Variants in HELZ observed in about 807,000 individuals in gnomAD.
HELZ encodes ATP-dependent RNA helicase with zinc finger domain.
HELZ carries 23 observed loss-of-function variants against 218.2 expected under a neutral mutation model. The ratio of observed to expected loss-of-function variants is 0.11; its 90% CI spans 0.08 to 0.15. The LOEUF (loss-of-function observed/expected upper bound fraction) is 0.15. HELZ is among the 10% of genes least tolerant of loss of function. The probability of loss-of-function intolerance (pLI) is 1.00; values close to 1 mark genes in which losing one functional copy is unlikely to be tolerated. For synonymous variants in HELZ, 814 were observed against 829.4 expected (o/e 0.98, Z 0.32); for missense variants, 1,813 against 2,353.7 (o/e 0.77, Z 4.75).
Position 67,160,172 on chromosome 17 carries a change from T to C in HELZ, c.2177+89A>G. On this transcript the variant is annotated intron_variant, in intron 17 of 32. Transcript: ENST00000358691. ...ATGTCAATGCATAAAGACTTTGGTA[T>C]TTCCAAAGTTACTAAAATCTTTACA... 5 of 770,988 alleles carry C rather than the reference T, an allele frequency of 6.5e-6. No individual in the cohort carries two copies. The East Asian group carries it at 1.3e-4, about 20-fold the overall frequency. The allele number at this position is 770,988 out of a possible 1,614,324, so 47.8% of individuals were successfully genotyped here.
intron 13 of HELZ, among the ~76,000 whole-genome samples, chr17:67,172,484 A>T (rs2039341256): frequency 3.2e-5 from 3 of 95,178 alleles, no homozygotes; most frequent in African/African-American, 5.5e-5. Context: ...TTTTTCTAAT[A>T]ATCTGATTTT....
At chr17:67,098,365 C>T (rs1567797583) in intron 31 of HELZ, among the ~76,000 whole-genome samples, 2 of 152,024 alleles carry the variant, frequency 1.3e-5, no homozygotes, top group Non-Finnish European at 2.9e-5. Context: ...TGACTAGTTC[C>T]AAAGTTACAA....
upstream of HELZ, chr17:67,245,642 T>A: frequency 2.0e-6 from 1 of 490,080 alleles, no homozygotes; most frequent in Non-Finnish European, 2.6e-6. Context: ...CGGGGTCGCC[T>A]TCAGAGGCCG....
chr17:67,089,696 G>GAGAGAGAGAGAGAGAGAGAGAC lies in HELZ; in HGVS notation c.5242-2616_5242-2615insGTCTCTCTCTCTCTCTCTCTCT, dbSNP rs34752223. Among the ~76,000 whole-genome samples the GAGAGAGAGAGAGAGAGAGAGAC allele has an allele frequency of 4.0e-3, 494 of 122,300 alleles. 3 individuals carry two copies. Among genetic ancestry groups the GAGAGAGAGAGAGAGAGAGAGAC allele is most frequent in the Non-Finnish European group, 5.4e-3 (317 of 59,046 alleles). The allele number at this position is 122,300 out of a possible 152,430, so 80.2% of individuals were successfully genotyped here. A position where few individuals can be genotyped will look rare whatever the true frequency, so the allele number is the denominator to read the frequency against. On this transcript the variant is annotated intron_variant, in intron 31 of 32. Transcript: ENST00000358691. ...AGAGAGAGAGAGAGAGAGAGAGAGA[G>GAGAGAGAGAGAGAGAGAGAGAC]AGAGACAGAGAGACAGAGAGAGAGA...
chr17:67,089,696 G>GAGAGAGAGAGAGAGAGAC lies in HELZ; in HGVS notation c.5242-2616_5242-2615insGTCTCTCTCTCTCTCTCT, dbSNP rs34752223. Among the ~76,000 whole-genome samples, 862 of 121,998 alleles carry GAGAGAGAGAGAGAGAGAC rather than the reference G, an allele frequency of 7.1e-3. 7 individuals are homozygous for GAGAGAGAGAGAGAGAGAC. Among genetic ancestry groups the GAGAGAGAGAGAGAGAGAC allele is most frequent in the Admixed American group, 0.011 (130 of 12,266 alleles). 80.0% of individuals were successfully genotyped at this position (121,998 alleles called of 152,430 possible). ...AGAGAGAGAGAGAGAGAGAGAGAGAGAGAGACAGAGAGACAGAGAGAGAGA... is the reference window on the plus strand; with the variant it reads ...AGAGAGAGAGAGAGAGAGAGAGAGAGAGAGAGAGAGAGAGAGACAGAGACAGAGAGACAGAGAGAGAGA... On this transcript the variant is annotated intron_variant, in intron 31 of 32. Coordinates refer to ENST00000358691, the MANE Select transcript of HELZ (RefSeq NM_014877.4).
At chr17:67,163,456 T>C (rs1273658492) in intron 15 of HELZ, among the ~76,000 whole-genome samples, 1 of 152,076 alleles carries the variant, frequency 6.6e-6, no homozygotes, top group Non-Finnish European at 1.5e-5. Flanking sequence ...TGGAGTGCAG[T>C]GGCGCGATCT....
chr17:67,108,393 T>G lies in HELZ; in HGVS notation c.4724+99A>C. The G allele has an allele frequency of 1.2e-6, 1 of 858,258 alleles. No homozygotes were observed. The highest frequency in any genetic ancestry group is 2.6e-5 in the East Asian group (1 of 38,288). 53.2% of individuals were successfully genotyped at this position (858,258 alleles called of 1,614,324 possible). On this transcript the variant is annotated intron_variant, in intron 30 of 32. Coordinates refer to ENST00000358691, the MANE Select transcript of HELZ (RefSeq NM_014877.4). The surrounding 1 kb of genome is among the most constrained non-coding windows in gnomAD (Gnocchi z 4.1). ...TTGGAAGGCCAGCATCCAATTTCTC[T>G]GAGGCAATATTCCAGCTTGAAGCTA...
chr17:67,187,990 T>C (rs1260487110), intron 12 of HELZ, among the ~76,000 whole-genome samples: 2 of 152,176 alleles, frequency 1.3e-5, no homozygotes, highest in African/African-American at 4.8e-5. Context: ...TAAAATGATA[T>C]TCTACCCAAA....
chr17:67,171,777 A>T (rs2039317891), intron 13 of HELZ, among the ~76,000 whole-genome samples: 2 of 151,930 alleles, frequency 1.3e-5, no homozygotes, highest in South Asian at 4.2e-4. Context: ...CTATGCTCTT[A>T]TTCTCACATC....
At chr17:67,222,648 G>A (rs1479081396) in intron 3 of HELZ, among the ~76,000 whole-genome samples, 1 of 152,146 alleles carries the variant, frequency 6.6e-6, no homozygotes, top group Admixed American at 6.5e-5. Flanking sequence ...CAGCTGTTTT[G>A]TCGAGCTTTT....
intron 17 of HELZ, among the ~76,000 whole-genome samples, chr17:67,153,485 T>G (rs1034617631): frequency 6.6e-6 from 1 of 152,236 alleles, no homozygotes; most frequent in African/African-American, 2.4e-5. Flanking sequence ...TCCTCTTCCC[T>G]AGTTAGGAAA....
In HELZ at chr17:67,217,937, T is replaced by G. The variant is rs541235213; in HGVS notation, c.210+658A>C. On this transcript the variant is annotated intron_variant, in intron 4 of 32. Coordinates refer to ENST00000358691, the MANE Select transcript of HELZ (RefSeq NM_014877.4). ...TGGTTTTTGTTTTTTGTTGTTTTTT[T>G]TTTTTTTAAGACGGAGTCTCGGAGT... Among the ~76,000 whole-genome samples, 3 of 151,724 alleles carry G rather than the reference T, an allele frequency of 2.0e-5. No individual in the cohort carries two copies. In the South Asian group the frequency reaches 6.2e-4, roughly 31 times the overall value.
chr17:67,105,489 G>A (rs2143724085), intron 31 of HELZ, among the ~76,000 whole-genome samples: 1 of 152,176 alleles, frequency 6.6e-6, no homozygotes, highest in South Asian at 2.1e-4. Context: ...AACAGTTATG[G>A]GGTTTCTTTT....
rs2035865531 is a variant in HELZ at position 67,070,708 on chromosome 17, C to G, written c.*7544G>C. On this transcript the variant is annotated 3_prime_UTR_variant, in exon 33 of 33. Transcript: ENST00000358691. ...GGGGTTATTTTATGGTACAAAGTCA[C>G]TTTTACTTTTAAGGATAAACTCTTT... is the stretch of plus-strand genomic sequence containing the variant. The G allele has an allele frequency of 6.6e-6, 1 of 152,096 alleles. No individual in the cohort carries two copies. The highest frequency in any genetic ancestry group is 1.5e-5 in the Non-Finnish European group (1 of 68,014). The allele number at this position is 152,096 out of a possible 1,614,324, so 9.4% of individuals were successfully genotyped here. A position where few individuals can be genotyped will look rare whatever the true frequency, so the allele number is the denominator to read the frequency against.
intron 31 of HELZ, among the ~76,000 whole-genome samples, chr17:67,097,973 GCAGT>G (rs1184457730): frequency 6.6e-6 from 1 of 152,028 alleles, no homozygotes; most frequent in Non-Finnish European, 1.5e-5. Context: ...AATCATTTGA[GCAGT>G]CAAACATTTA....
chr17:67,135,155 TAA>T, intron 23 of HELZ, among the ~76,000 whole-genome samples: 1 of 152,146 alleles, frequency 6.6e-6, no homozygotes, highest in Non-Finnish European at 1.5e-5. Flanking sequence ...TCCTTAAAAC[TAA>T]AGTCTAATGA....
intron 9 of HELZ, 111 bp from the exon 10 acceptor site, chr17:67,190,466 G>T: frequency 1.3e-6 from 1 of 752,606 alleles, no homozygotes; most frequent in Non-Finnish European, 2.2e-6. Context: ...TTCATGTGCT[G>T]AAAGGCCATA....
chr17:67,110,829 T>C (rs1460409244), intron 28 of HELZ, among the ~76,000 whole-genome samples: 1 of 152,204 alleles, frequency 6.6e-6, no homozygotes, highest in Non-Finnish European at 1.5e-5. Flanking sequence ...ATCTGGCTTT[T>C]TACAGAAGAA....
rs1478302416 is a variant in HELZ at position 67,243,769 on chromosome 17, T to C, written c.-76+15A>G. 6.5e-6 allele frequency: 1 copy of C among 152,916 alleles called. No homozygotes were observed. Among genetic ancestry groups the C allele is most frequent in the Non-Finnish European group, 1.5e-5 (1 of 68,672 alleles). 9.5% of individuals were successfully genotyped at this position (152,916 alleles called of 1,614,324 possible). A position where few individuals can be genotyped will look rare whatever the true frequency, so the allele number is the denominator to read the frequency against. The stretch of plus-strand genomic sequence containing the variant: ...AGAAGGAAAAAAAGGAAATCATTTT[T>C]AACTGCAGTCTCACCTTACACATCT... On this transcript the variant is annotated intron_variant, in intron 2 of 32. Transcript: ENST00000358691.
Sources: allele counts gnomAD v4.1 joint callset (sites outside exome capture counted in the v4.1 genomes callset), GRCh38; gene constraint gnomAD v4.1.1; non-coding constraint Gnocchi (gnomAD v3.1); transcripts MANE v1.5; gene names NCBI Gene and HGNC (gene_info 2026-07-23, HGNC 2026-07-21).